The following TCF4 variants were observed in gnomAD, a reference collection of about 807,000 sequenced individuals.
TCF4 encodes transcription factor 4.
TCF4 carries 3 observed loss-of-function variants against 82.1 expected under a neutral mutation model. That is an observed-to-expected ratio of 0.04 (90% CI 0.02 to 0.09). TCF4 has a LOEUF of 0.09. Among genes scored for constraint, TCF4 ranks in the 10% least tolerant of loss-of-function variants. The pLI is 1.00. For missense variants in TCF4, 518 were observed against 852.7 expected, an observed-to-expected ratio of 0.61 and a Z score of 4.89; for synonymous variants, 276 against 309.6, an observed-to-expected ratio of 0.89 and a Z score of 1.14.
intron 8 of TCF4, chr18:55,321,461 C>G (rs2075463503): frequency 4.1e-6 from 3 of 724,742 alleles, no homozygotes; most frequent in Non-Finnish European, 6.9e-6. Flanking sequence ...TTTTTCTACT[C>G]TGGGGGAGGA....
intron 17 of TCF4, 88 bp from the exon 18 acceptor site, chr18:55,229,164 G>A (rs2047165420): frequency 2.0e-6 from 3 of 1,504,750 alleles, no homozygotes; most frequent in Non-Finnish European, 2.8e-6. Flanking sequence ...AGAGTTTTCA[G>A]GGAACTTTTC....
At chr18:55,619,544 A>C (rs2097715589) in intron 2 of TCF4, among the ~76,000 whole-genome samples, 1 of 152,094 alleles carries the variant, frequency 6.6e-6, no homozygotes, top group African/African-American at 2.4e-5. Context: ...TTCAGCTCTA[A>C]AAGTTTGATT....
chr18:55,544,802 G>A (rs1295537563), intron 3 of TCF4, among the ~76,000 whole-genome samples: 2 of 151,946 alleles, frequency 1.3e-5, no homozygotes, highest in African/African-American at 2.4e-5. Context: ...GCACACCTAC[G>A]AGTTAACTCA....
intron 3 of TCF4, among the ~76,000 whole-genome samples, chr18:55,578,041 T>C (rs147356994): frequency 6.6e-6 from 1 of 152,056 alleles, no homozygotes; most frequent in Non-Finnish European, 1.5e-5. Flanking sequence ...AGCCAAATGG[T>C]TTATGAACAG....
In TCF4 at chr18:55,224,633, C is replaced by T. The variant is rs913535584; in HGVS notation, c.*3402G>A. ...CAACCCCTCATCAAAATCAAGATCACAAATAAAAAAAAAAATTCAGAAATA... is the reference window on the plus strand; with the variant it reads ...CAACCCCTCATCAAAATCAAGATCATAAATAAAAAAAAAAATTCAGAAATA... On this transcript the variant is annotated 3_prime_UTR_variant, in exon 20 of 20. Coordinates refer to ENST00000354452, the MANE Select transcript of TCF4 (RefSeq NM_001083962.2). 1 of 149,414 alleles carries T rather than the reference C, an allele frequency of 6.7e-6. No homozygotes were observed. Among genetic ancestry groups the T allele is most frequent in the African/African-American group, 2.5e-5 (1 of 40,428 alleles). The allele number at this position is 149,414 out of a possible 1,614,324, so 9.3% of individuals were successfully genotyped here. A position where few individuals can be genotyped will look rare whatever the true frequency, so the allele number is the denominator to read the frequency against.
At chr18:55,314,420 T>G (rs1178003760) in intron 8 of TCF4, among the ~76,000 whole-genome samples, 1 of 152,144 alleles carries the variant, frequency 6.6e-6, no homozygotes, top group Non-Finnish European at 1.5e-5. Flanking sequence ...GGTGCAGAAT[T>G]TATCCTTTTT....
intron 6 of TCF4, among the ~76,000 whole-genome samples, chr18:55,358,033 C>T (rs573300578): frequency 5.9e-5 from 9 of 152,196 alleles, no homozygotes; most frequent in Admixed American, 1.3e-4. Flanking sequence ...AGTCTGCACT[C>T]GATGAGCACT....
intron 8 of TCF4, among the ~76,000 whole-genome samples, chr18:55,345,532 T>C (rs900487867): frequency 6.6e-6 from 1 of 152,190 alleles, no homozygotes; most frequent in African/African-American, 2.4e-5. Context: ...ACAATTTTAA[T>C]ATCCAAACCT....
intron 3 of TCF4, among the ~76,000 whole-genome samples, chr18:55,578,034 C>A (rs1242116561): frequency 3.9e-5 from 6 of 152,046 alleles, no homozygotes; most frequent in African/African-American, 1.4e-4. Flanking sequence ...AGAAAAAAGC[C>A]AAATGGTTTA....
intron 2 of TCF4, among the ~76,000 whole-genome samples, chr18:55,624,653 C>T (rs1004575234): frequency 6.6e-5 from 10 of 151,692 alleles, no homozygotes; most frequent in Non-Finnish European, 1.3e-4. Flanking sequence ...AACTTTCCTT[C>T]TCTTCTTTGA....
chr18:55,581,188 C>T (rs769523597), intron 3 of TCF4, among the ~76,000 whole-genome samples: 21 of 151,966 alleles, frequency 1.4e-4, no homozygotes, highest in African/African-American at 3.9e-4. Flanking sequence ...AGCCCCATTA[C>T]GCAGTACAAA....
chr18:55,429,125 C>A (rs2095093986), intron 5 of TCF4, among the ~76,000 whole-genome samples: 1 of 152,126 alleles, frequency 6.6e-6, no homozygotes, highest in Admixed American at 6.5e-5. Flanking sequence ...GAAAAAAGAA[C>A]CATCAAAGGC....
chr18:55,287,724 T>C (rs2064015824), intron 8 of TCF4, among the ~76,000 whole-genome samples: 1 of 152,176 alleles, frequency 6.6e-6, no homozygotes, highest in Non-Finnish European at 1.5e-5. Context: ...CCAATTTAAG[T>C]GTGTGCCTTC....
At position 55,627,324 on chromosome 18, in the gene TCF4, G is replaced by A. The variant is rs80031234; in HGVS notation, c.286+3974C>T. 9.2e-4 allele frequency among the ~76,000 whole-genome samples: 140 copies of A among 152,236 alleles called. 1 individual carries two copies. In the East Asian group the frequency reaches 0.026, roughly 28 times the overall value. The stretch of plus-strand genomic sequence containing the variant: ...GAGAGAAAAGCCATAGAATTCCTGG[G>A]AATGCAGGCATTATGGTGCAGTAGA... On this transcript the variant is annotated intron_variant, in intron 2 of 20. Transcript: ENST00000398339.
intron 3 of TCF4, among the ~76,000 whole-genome samples, chr18:55,569,827 C>T (rs2097445032): frequency 6.6e-6 from 1 of 151,938 alleles, no homozygotes; most frequent in African/African-American, 2.4e-5. Context: ...ATAATTCTCC[C>T]AAAATTGATC....
chr18:55,233,096 A>AC (rs1172562845), intron 16 of TCF4, among the ~76,000 whole-genome samples: 1 of 152,220 alleles, frequency 6.6e-6, no homozygotes, highest in Non-Finnish European at 1.5e-5. Context: ...TGCAGTCAAG[A>AC]CTTCAATAGG....
chr18:55,490,113 A>T (rs892212912), intron 3 of TCF4, among the ~76,000 whole-genome samples: 7 of 152,218 alleles, frequency 4.6e-5, no homozygotes, highest in African/African-American at 1.4e-4. Context: ...TCTTACTGAG[A>T]AAATGTGCCT....
rs1415085050 is a variant in TCF4, at chr18:55,225,252, A to C, written c.*2783T>G. 1.3e-5 allele frequency: 2 copies of C among 152,666 alleles called. No individual in the cohort carries two copies. Among genetic ancestry groups the C allele is most frequent in the East Asian group, 3.8e-4 (2 of 5,206 alleles). The allele number at this position is 152,666 out of a possible 1,614,324, so 9.5% of individuals were successfully genotyped here. On this transcript the variant is annotated 3_prime_UTR_variant, in exon 20 of 20. Coordinates refer to ENST00000354452, the MANE Select transcript of TCF4 (RefSeq NM_001083962.2). ...CATTACTGAGTAATGAATACATCAA[A>C]GCTGGTGAACAATAAATTGCAGCTT...
At chr18:55,542,857 C>A (rs2097175928) in intron 3 of TCF4, among the ~76,000 whole-genome samples, 1 of 152,052 alleles carries the variant, frequency 6.6e-6, no homozygotes, top group Non-Finnish European at 1.5e-5. Context: ...TTTACAGGCA[C>A]AATTTATGAG....
Sources: gnomAD v4.1 joint callset for allele counts (sites outside exome capture counted in the v4.1 genomes callset) on GRCh38, gnomAD v4.1.1 for gene constraint, MANE v1.5 for transcripts, NCBI Gene and HGNC (gene_info 2026-07-23, HGNC 2026-07-21) for gene names.